Variants in OBSL1 observed in about 807,000 individuals in gnomAD.
OBSL1 encodes obscurin-like protein 1.
A neutral mutation model predicts 172.0 loss-of-function variants in OBSL1; 160 were observed. The observed-to-expected ratio is 0.93, with a 90% CI of 0.82 to 1.06. The LOEUF is 1.06. OBSL1 is among the 50% of genes least tolerant of loss of function. The pLI is 0.00. For missense variants in OBSL1, 2,681 were observed against 2,715.4 expected, an observed-to-expected ratio of 0.99 and a Z score of 0.28; for synonymous variants, 1,200 against 1,196.3, an observed-to-expected ratio of 1.00 and a Z score of -0.06.
Position 219,557,593 on chromosome 2 carries a change from G to A in OBSL1, c.3816C>T (p.Pro1272=), listed in dbSNP as rs200349173. 2.1e-3 allele frequency: 3,311 copies of A among 1,545,946 alleles called. 13 individuals are homozygous for A. Among genetic ancestry groups the A allele is most frequent in the Non-Finnish European group, 1.9e-3 (2,199 of 1,143,600 alleles). Reference sequence around the variant, plus strand: ...TCCGAACCCTCGTCTGGGCTGCCTCGGGAGCTACCACCCGCACAGGGGGCT... The same window carrying A: ...TCCGAACCCTCGTCTGGGCTGCCTCAGGAGCTACCACCCGCACAGGGGGCT... The part of the protein sequence containing the change: ...VAEPPVRVVA[P]EAAQTRVRST... Residue 1272 remains proline (P), a synonymous_variant, in exon 12 of 21, where the codon CCC becomes CCT. Coordinates refer to ENST00000404537, the MANE Select transcript of OBSL1 (RefSeq NM_015311.3).
At chr2:219,559,907 C>T (rs144253979) in intron 8 of OBSL1, among the ~76,000 whole-genome samples, 13 of 152,272 alleles carry the variant, frequency 8.5e-5, no homozygotes, top group African/African-American at 2.6e-4. Context: ...GCTATATTCA[C>T]CCTCAGCAGG....
rs1011482669 is a variant in OBSL1 at position 219,568,693 on chromosome 2, G to A, written c.1013-369C>T. Among the ~76,000 whole-genome samples, 1 of 151,952 alleles carries A rather than the reference G, an allele frequency of 6.6e-6. No homozygotes were observed. The highest frequency in any genetic ancestry group is 2.4e-5 in the African/African-American group (1 of 41,344). On this transcript the variant is annotated intron_variant, in intron 1 of 20. Coordinates refer to ENST00000404537, the MANE Select transcript of OBSL1 (RefSeq NM_015311.3). This position sits in a 1 kb window ranked among gnomAD's most constrained non-coding sequence, Gnocchi z 4.1. ...TCCAAACTGTTCCCTGGCTCCCCCC[G>A]CCCCAGTCATTTCACATATTCTGCA... is the stretch of plus-strand genomic sequence containing the variant.
At chr2:219,548,399 G>C (rs529739353), downstream of OBSL1, among the ~76,000 whole-genome samples, 3 of 152,346 alleles carry the variant, frequency 2.0e-5, no homozygotes, top group East Asian at 5.8e-4. Flanking sequence ...GATTCCAGTT[G>C]TGTAGAGTGA....
intron 1 of OBSL1, 134 bp downstream of exon 1, chr2:219,570,087 T>G: frequency 1.3e-6 from 1 of 778,090 alleles, no homozygotes; most frequent in Non-Finnish European, 1.9e-6. Context: ...GCGGGCGGGT[T>G]TGGTATTTTA....
downstream of OBSL1, chr2:219,548,082 G>T: frequency 6.5e-7 from 1 of 1,544,232 alleles, no homozygotes; most frequent in South Asian, 1.2e-5. Flanking sequence ...CACACGGAAG[G>T]TAAGGGGGCA....
rs1696059999 is a variant in OBSL1 at position 219,556,977 on chromosome 2, C to T, written c.4067-254G>A. The T allele has an allele frequency of 1.9e-5, 10 of 518,812 alleles. No individual in the cohort carries two copies. The East Asian group carries it at 3.0e-4, about 15-fold the overall frequency. 32.1% of individuals were successfully genotyped at this position (518,812 alleles called of 1,614,324 possible). The stretch of plus-strand genomic sequence containing the variant: ...CTAATAATATCAATTACCAGGGACC[C>T]TATTTACAGCATTTACTTGTCACAA... On this transcript the variant is annotated intron_variant, in intron 12 of 20. Transcript: ENST00000404537.
chr2:219,566,724 C>T (rs1696920907), intron 5 of OBSL1, 106 bp downstream of exon 5: 1 of 1,313,508 alleles, frequency 7.6e-7, no homozygotes, highest in African/African-American at 1.5e-5. Context: ...GCTCCTTGCT[C>T]TCCTGGCCCA....
Position 219,567,125 on chromosome 2 carries a change from C to T in OBSL1, c.1839G>A (p.Val613=). 1.2e-6 allele frequency: 2 copies of T among 1,612,858 alleles called. No individual in the cohort carries two copies. The highest frequency in any genetic ancestry group is 1.7e-6 in the Non-Finnish European group (2 of 1,179,432). The stretch of plus-strand genomic sequence containing the variant: ...GACCTGCCACCAGGCGAGCTGTGGG[C>T]ACTGAGGCAGGGACAGAGTGCAGCT... ...HVVFHGSAHL[V]PTARLVAGLE... is the part of the protein sequence containing the mutation. The change falls in exon 5 of 21, where the codon GTG becomes GTA. Residue 613 remains valine, a splice_region_variant and synonymous_variant. Coordinates refer to ENST00000404537, the MANE Select transcript of OBSL1 (RefSeq NM_015311.3).
intron 1 of OBSL1, 72 bp downstream of exon 1, chr2:219,570,149 G>A (rs1261265113): frequency 8.9e-6 from 12 of 1,341,362 alleles, no homozygotes; most frequent in Non-Finnish European, 3.0e-6. Flanking sequence ...GCTGGGCACC[G>A]AGGAGGGCTG....
At chr2:219,549,627 G>C (rs1347626405), downstream of OBSL1, 54 of 1,571,750 alleles carry the variant, frequency 3.4e-5, no homozygotes, top group Non-Finnish European at 4.2e-5. Context: ...GCAGTCTATA[G>C]AAGTGTCAGG....
chr2:219,555,676 G>T, intron 14 of OBSL1: 1 of 1,109,638 alleles, frequency 9.0e-7, no homozygotes. Context: ...GAGGTGTGGG[G>T]TGCTGTTTGA....
chr2:219,565,374 TCTC>T lies in OBSL1; in HGVS notation c.2272_2274del (p.Glu758del). ...TCCATCTTCACCACCAGCAACTCGC[TCTC>T]CTCCACCTTCTGCCCATCCTTGTAC... is the stretch of plus-strand genomic sequence containing the variant. On this transcript the variant is annotated inframe_deletion, in exon 6 of 21. Transcript: ENST00000404537. 1 of 1,613,992 alleles carries T rather than the reference TCTC, an allele frequency of 6.2e-7. No individual in the cohort carries two copies. Among genetic ancestry groups the T allele is most frequent in the Non-Finnish European group, 8.5e-7 (1 of 1,179,892 alleles).
chr2:219,559,117 G>A, intron 9 of OBSL1, 108 bp downstream of exon 9: 2 of 1,109,862 alleles, frequency 1.8e-6, no homozygotes, highest in South Asian at 3.2e-5. Flanking sequence ...TGAGGAAGCT[G>A]GATAAGGGGA....
rs1386382495 is a variant in OBSL1, at chr2:219,550,776, G to A, written c.*59C>T. On this transcript the variant is annotated 3_prime_UTR_variant, in exon 21 of 21. Transcript: ENST00000404537. Reference sequence around the variant, plus strand: ...CCTTGTCTCTCTACCCCTGCCCAGGGTAAGGGCAAACGCCTTCCAAGCTGT... The same window carrying A: ...CCTTGTCTCTCTACCCCTGCCCAGGATAAGGGCAAACGCCTTCCAAGCTGT... 15 of 1,589,178 alleles carry A rather than the reference G, an allele frequency of 9.4e-6. No homozygotes were observed. The highest frequency in any genetic ancestry group is 1.7e-4 in the Middle Eastern group (1 of 6,010).
Position 219,553,000 on chromosome 2 carries a change from G to A in OBSL1, c.5014C>T (p.Pro1672Ser), listed in dbSNP as rs965904763. Residue 1672 changes from proline (P) to serine (S), a missense_variant, in exon 17 of 21, where the codon CCG becomes TCG. Coordinates refer to ENST00000404537, the MANE Select transcript of OBSL1 (RefSeq NM_015311.3). ...EKDGNALTPS[P>S]RLRLQALGTR... ...CCGAGGGCCTGGAGCCGGAGCCGCGGGCTAGGCGTAAGCGCGTTCCCGTCC... is the reference window on the plus strand; with the variant it reads ...CCGAGGGCCTGGAGCCGGAGCCGCGAGCTAGGCGTAAGCGCGTTCCCGTCC... 5.2e-6 allele frequency: 8 copies of A among 1,524,096 alleles called. No individual in the cohort carries two copies. The highest frequency in any genetic ancestry group is 7.0e-6 in the Non-Finnish European group (8 of 1,141,178). 94.4% of individuals were successfully genotyped at this position (1,524,096 alleles called of 1,614,324 possible). A position where few individuals can be genotyped will look rare whatever the true frequency, so the allele number is the denominator to read the frequency against.
chr2:219,559,957 C>T (rs1335736174), intron 8 of OBSL1, among the ~76,000 whole-genome samples: 4 of 152,252 alleles, frequency 2.6e-5, no homozygotes, highest in Non-Finnish European at 5.9e-5. Flanking sequence ...CAATCAAGCT[C>T]AGGTTTTCCT....
In OBSL1 at chr2:219,559,575, CT is replaced by C. The variant is rs149488437; in HGVS notation, c.2954-79del. 6.0e-4 allele frequency: 759 copies of C among 1,259,142 alleles called. 4 individuals carry two copies. In the African/African-American group the frequency reaches 0.01, roughly 17 times the overall value. The allele number at this position is 1,259,142 out of a possible 1,614,324, so 78.0% of individuals were successfully genotyped here. A position where few individuals can be genotyped will look rare whatever the true frequency, so the allele number is the denominator to read the frequency against. ...GGAGCCATTCGGCAGCATGAAGTCCCTATCACCCACATAATAATGAGAATAA... is the reference window on the plus strand; with the variant it reads ...GGAGCCATTCGGCAGCATGAAGTCCCATCACCCACATAATAATGAGAATAA... On this transcript the variant is annotated intron_variant, in intron 8 of 20. Transcript: ENST00000404537.
At chr2:219,556,752 G>A in intron 12 of OBSL1, 29 bp from the exon 13 acceptor site, 1 of 1,561,334 alleles carries the variant, frequency 6.4e-7, no homozygotes, top group South Asian at 1.2e-5. Context: ...CAGTGAGCTG[G>A]GCTGAGTCTT....
intron 16 of OBSL1, 49 bp from the exon 17 acceptor site, chr2:219,553,073 G>T: frequency 7.0e-7 from 1 of 1,418,738 alleles, no homozygotes; most frequent in Non-Finnish European, 9.1e-7. Flanking sequence ...CTGGGCACAG[G>T]CGACCCCGGC....
Sources: allele counts gnomAD v4.1 joint callset (sites outside exome capture counted in the v4.1 genomes callset), GRCh38; gene constraint gnomAD v4.1.1; non-coding constraint Gnocchi (gnomAD v3.1); transcripts MANE v1.5; gene names NCBI Gene and HGNC (gene_info 2026-07-23, HGNC 2026-07-21).